Variants in ADAMTSL1 observed in about 807,000 individuals in gnomAD.
ADAMTSL1 encodes ADAMTS-like protein 1.
ADAMTSL1 carries 126 observed loss-of-function variants against 201.8 expected under a neutral mutation model. That is an observed-to-expected ratio of 0.62 (90% confidence interval 0.54 to 0.72). The LOEUF is 0.72. ADAMTSL1 is among the 30% of genes least tolerant of loss of function. The pLI, the probability that ADAMTSL1 is intolerant of heterozygous loss-of-function variation, is 0.00. For synonymous variants in ADAMTSL1, 1,121 were observed against 903.4 expected (o/e 1.24, Z -4.32); for missense variants, 2,679 against 2,277.8 (o/e 1.18, Z -3.59).
intron 2 of ADAMTSL1, among the ~76,000 whole-genome samples, chr9:18,279,066 A>T (rs543843810): frequency 6.6e-6 from 1 of 152,154 alleles, no homozygotes; most frequent in South Asian, 2.1e-4. Context: ...TTGTTTATGC[A>T]TAGCCCTCCT....
chr9:18,371,855 C>T lies in ADAMTSL1; in HGVS notation c.208-132974C>T, dbSNP rs145749993. ...GGGTAGATATGTTACATAAATAAAA[C>T]GAAGTTTCTTCCCTACAAGGGCTCT... On this transcript the variant is annotated intron_variant, in intron 2 of 29. Coordinates refer to the ADAMTSL1 transcript ENST00000680146. Among the ~76,000 whole-genome samples, 165 of 152,210 alleles carry T rather than the reference C, an allele frequency of 1.1e-3. 1 individual carries two copies. The highest frequency in any genetic ancestry group is 3.0e-3 in the African/African-American group (123 of 41,534).
chr9:18,628,110 C>T (rs1591108), intron 5 of ADAMTSL1, among the ~76,000 whole-genome samples: 2 of 152,138 alleles, frequency 1.3e-5, no homozygotes, highest in South Asian at 4.2e-4. Context: ...ATGAAGACCA[C>T]GCTATCATTT....
At chr9:18,156,739 G>A (rs762922879) in intron 1 of ADAMTSL1, among the ~76,000 whole-genome samples, 47 of 152,028 alleles carry the variant, frequency 3.1e-4, no homozygotes, top group Non-Finnish European at 5.6e-4. Flanking sequence ...TAGGATTGGA[G>A]TACAGAAGAG....
rs758652652 is a variant in ADAMTSL1 at position 18,054,544 on chromosome 9, T to C, written c.88-109318T>C. Reference sequence around the variant, plus strand: ...AACATTTATTTAAGTCTTTCTTACATTCTAGGTCCTATTAGGCCAGGTCGA... The same window carrying C: ...AACATTTATTTAAGTCTTTCTTACACTCTAGGTCCTATTAGGCCAGGTCGA... On this transcript the variant is annotated intron_variant, in intron 1 of 29. Coordinates refer to the ADAMTSL1 transcript ENST00000680146. Among the ~76,000 whole-genome samples, 11 of 152,308 alleles carry C rather than the reference T, an allele frequency of 7.2e-5. No homozygotes were observed. The East Asian group carries it at 1.9e-3, about 27-fold the overall frequency.
intron 16 of ADAMTSL1, among the ~76,000 whole-genome samples, chr9:18,757,621 G>T (rs1015702886): frequency 1.3e-5 from 2 of 152,018 alleles, no homozygotes; most frequent in African/African-American, 4.8e-5. Flanking sequence ...CCCTGTGCTG[G>T]TCAAGGCCCA....
At chr9:18,871,680 C>T (rs1827877935) in intron 23 of ADAMTSL1, among the ~76,000 whole-genome samples, 1 of 152,198 alleles carries the variant, frequency 6.6e-6, no homozygotes, top group African/African-American at 2.4e-5. Context: ...CTCTTACTGA[C>T]TTACCTATTT....
At chr9:18,708,523 TGAGA>T (rs1305422364) in intron 14 of ADAMTSL1, among the ~76,000 whole-genome samples, 1 of 152,212 alleles carries the variant, frequency 6.6e-6, no homozygotes, top group African/African-American at 2.4e-5. Flanking sequence ...TCACGCTTAA[TGAGA>T]GAGAAGTGTT....
intron 1 of ADAMTSL1, among the ~76,000 whole-genome samples, chr9:17,941,691 T>C (rs779860940): frequency 3.3e-5 from 5 of 152,090 alleles, no homozygotes; most frequent in African/African-American, 9.7e-5. Context: ...TGTGTAAGTG[T>C]GTGGGTTTAT....
intron 1 of ADAMTSL1, among the ~76,000 whole-genome samples, chr9:18,482,223 T>G (rs1821764478): frequency 6.6e-6 from 1 of 152,158 alleles, no homozygotes; most frequent in Non-Finnish European, 1.5e-5. Context: ...TACAGGAGAT[T>G]TATTCCACTT....
At chr9:18,289,313 C>G (rs1234191689) in intron 2 of ADAMTSL1, among the ~76,000 whole-genome samples, 2 of 152,102 alleles carry the variant, frequency 1.3e-5, no homozygotes, top group Non-Finnish European at 2.9e-5. Flanking sequence ...TGGTATAGTT[C>G]CAGTCTGAGT....
At chr9:18,217,098 C>G (rs1042831529) in intron 2 of ADAMTSL1, among the ~76,000 whole-genome samples, 7 of 152,174 alleles carry the variant, frequency 4.6e-5, no homozygotes, top group African/African-American at 1.7e-4. Context: ...GGCATTTAAT[C>G]TGGGCTCTAA....
At chr9:18,507,334 C>G (rs1817730881) in intron 2 of ADAMTSL1, among the ~76,000 whole-genome samples, 1 of 152,168 alleles carries the variant, frequency 6.6e-6, no homozygotes, top group African/African-American at 2.4e-5. Context: ...AGGAGCAAAA[C>G]TAAGACTGAG....
intron 1 of ADAMTSL1, among the ~76,000 whole-genome samples, chr9:18,040,038 G>T (rs990966034): frequency 1.3e-5 from 2 of 152,132 alleles, no homozygotes; most frequent in African/African-American, 2.4e-5. Flanking sequence ...TTATGCCTAT[G>T]TCTTGGCATT....
At chr9:17,973,236 G>C (rs1367933804) in intron 1 of ADAMTSL1, among the ~76,000 whole-genome samples, 1 of 150,814 alleles carries the variant, frequency 6.6e-6, no homozygotes. Context: ...TGAAGTCCTT[G>C]CCCAGGCCTA....
chr9:18,593,734 T>C (rs1824073389), intron 4 of ADAMTSL1, among the ~76,000 whole-genome samples: 1 of 152,120 alleles, frequency 6.6e-6, no homozygotes, highest in Non-Finnish European at 1.5e-5. Context: ...CCTCTTGTTA[T>C]TAATTTCTAG....
At chr9:18,186,778 G>T (rs1274846393) in intron 2 of ADAMTSL1, among the ~76,000 whole-genome samples, 1 of 151,862 alleles carries the variant, frequency 6.6e-6, no homozygotes, top group East Asian at 1.9e-4. Context: ...CATTGGTCAT[G>T]CTGGGAAATT....
At chr9:18,378,218 C>T (rs188881835) in intron 2 of ADAMTSL1, among the ~76,000 whole-genome samples, 1 of 152,240 alleles carries the variant, frequency 6.6e-6, no homozygotes, top group African/African-American at 2.4e-5. Flanking sequence ...AGGCTTTAAC[C>T]AAATTAAAAT....
chr9:18,389,546 T>C (rs932966059), intron 2 of ADAMTSL1, among the ~76,000 whole-genome samples: 2 of 152,174 alleles, frequency 1.3e-5, no homozygotes, highest in African/African-American at 4.8e-5. Flanking sequence ...TAGTTCTTAT[T>C]AGGAATTGAA....
chr9:18,181,949 A>G (rs943253842), intron 2 of ADAMTSL1, among the ~76,000 whole-genome samples: 15 of 152,272 alleles, frequency 9.9e-5, no homozygotes, highest in African/African-American at 3.4e-4. Context: ...ATGGAATACT[A>G]TGCAGCCATA....
Sources: allele counts gnomAD v4.1 joint callset (sites outside exome capture counted in the v4.1 genomes callset), GRCh38; gene constraint gnomAD v4.1.1; transcripts MANE v1.5; gene names NCBI Gene and HGNC (gene_info 2026-07-23, HGNC 2026-07-21).